ZYG11B: variants seen among roughly 807,000 people sequenced by gnomAD.
The protein encoded by ZYG11B is zyg-11 family member B, cell cycle regulator, also known as protein zyg-11 homolog B.
Under a neutral mutation model 82.4 loss-of-function variants are expected in ZYG11B, and 36 were observed. The ratio of observed to expected loss-of-function variants is 0.44; its 90% CI spans 0.33 to 0.58. The LOEUF is 0.58. Ranked by LOEUF, ZYG11B falls within the 20% of genes least tolerant of loss-of-function variation. The probability of loss-of-function intolerance (pLI) is 0.02; values close to 1 mark genes in which losing one functional copy is unlikely to be tolerated. For synonymous variants in ZYG11B, 303 were observed against 312.8 expected (o/e 0.97, Z 0.33); for missense variants, 552 against 895.6 (o/e 0.62, Z 4.90).
At chr1:52,803,575 A>G (rs1645117070) in intron 10 of ZYG11B, among the ~76,000 whole-genome samples, 1 of 151,946 alleles carries the variant, frequency 6.6e-6, no homozygotes, top group Non-Finnish European at 1.5e-5. Flanking sequence ...GTATTGTACA[A>G]AGTTTCACAC....
At chr1:52,733,727 C>G (rs1644355617) in intron 1 of ZYG11B, among the ~76,000 whole-genome samples, 1 of 152,156 alleles carries the variant, frequency 6.6e-6, no homozygotes, top group Non-Finnish European at 1.5e-5. Context: ...GATAAATGTA[C>G]TCATTCTTGT....
intron 8 of ZYG11B, among the ~76,000 whole-genome samples, chr1:52,797,489 TG>T (rs368293909): frequency 9.7e-6 from 1 of 102,864 alleles, no homozygotes. Flanking sequence ...ATATATAATA[TG>T]TATAATATAT....
At chr1:52,769,307 G>A (rs1351369496) in intron 2 of ZYG11B, among the ~76,000 whole-genome samples, 2 of 151,796 alleles carry the variant, frequency 1.3e-5, no homozygotes, top group African/African-American at 4.8e-5. Context: ...TAAATTTACC[G>A]GTGGCCACAT....
intron 1 of ZYG11B, among the ~76,000 whole-genome samples, chr1:52,733,486 C>T (rs1644351362): frequency 6.6e-6 from 1 of 151,972 alleles, no homozygotes; most frequent in Non-Finnish European, 1.5e-5. Context: ...CCAGCCTGGA[C>T]AAGATAGTGA....
rs1460974594 is a variant in ZYG11B at position 52,826,758 on chromosome 1, CAAAATCCA to C, written c.*5131_*5138del. On this transcript the variant is annotated 3_prime_UTR_variant, in exon 14 of 14. Coordinates refer to ENST00000294353, the MANE Select transcript of ZYG11B (RefSeq NM_024646.3). ...ACAGAATGGCCATTAAGAATATTTC[CAAAATCCA>C]AGTTTATCAAAATTATTTTGTGGGA... 6.6e-6 allele frequency: 1 copy of C among 152,124 alleles called. No individual in the cohort carries two copies. The highest frequency in any genetic ancestry group is 2.4e-5 in the African/African-American group (1 of 41,418). The allele number at this position is 152,124 out of a possible 1,614,324, so 9.4% of individuals were successfully genotyped here.
intron 12 of ZYG11B, 91 bp from the exon 13 acceptor site, chr1:52,816,441 A>G: frequency 1.2e-6 from 1 of 840,540 alleles, no homozygotes; most frequent in Non-Finnish European, 2.0e-6. Context: ...ATAGGATAAA[A>G]TTTTGAAAAT....
intron 3 of ZYG11B, among the ~76,000 whole-genome samples, chr1:52,777,336 A>G (rs1009819390): frequency 6.6e-6 from 1 of 152,242 alleles, no homozygotes; most frequent in Non-Finnish European, 1.5e-5. Flanking sequence ...TCAATACTGT[A>G]GTCTAATTCA....
Position 52,771,414 on chromosome 1 carries a change from A to G in ZYG11B, c.591A>G (p.Ser197=). 6.2e-7 allele frequency: 1 copy of G among 1,614,142 alleles called. No individual in the cohort carries two copies. Among genetic ancestry groups the G allele is most frequent in the Non-Finnish European group, 8.5e-7 (1 of 1,180,048 alleles). ...RLESLDISNT[S]ITDITALLAC... ...AGAGCTTGGATATTTCTAACACCTC[A>G]ATCACAGACATCACTGCTCTACTGG... The change falls in exon 3 of 14, where the codon TCA becomes TCG. Residue 197 remains serine (S), a synonymous_variant. Transcript: ENST00000294353. This position sits in a 1 kb window ranked among gnomAD's most constrained non-coding sequence, Gnocchi z 5.4.
chr1:52,752,223 G>T (rs1644532403), intron 1 of ZYG11B, among the ~76,000 whole-genome samples: 2 of 152,230 alleles, frequency 1.3e-5, no homozygotes, highest in African/African-American at 2.4e-5. Context: ...TTGCCAGAGT[G>T]CTCACAGAAC....
intron 4 of ZYG11B, among the ~76,000 whole-genome samples, chr1:52,783,899 T>TGTGTGTATGTACATACACGTGA (rs1644886191): frequency 8.1e-6 from 1 of 123,792 alleles, no homozygotes; most frequent in Non-Finnish European, 1.5e-5. Context: ...CATACACGTG[T>TGTGTGTATGTACATACACGTGA]GTGTATATAC....
chr1:52,796,676 T>C, intron 7 of ZYG11B, 58 bp from the exon 8 acceptor site: 4 of 1,355,126 alleles, frequency 3.0e-6, no homozygotes, highest in South Asian at 1.2e-5. Context: ...CAGTGAATGA[T>C]ATTAAACTCA....
chr1:52,826,511 A>G lies in ZYG11B; in HGVS notation c.*4882A>G, dbSNP rs1645325702. ...ACTGTTTTACCTTATTTAGTATTTC[A>G]TAGACTTTGCATGATATGGTACACT... On this transcript the variant is annotated 3_prime_UTR_variant, in exon 14 of 14. Coordinates refer to ENST00000294353, the MANE Select transcript of ZYG11B (RefSeq NM_024646.3). The G allele has an allele frequency of 6.6e-6, 1 of 152,208 alleles. No homozygotes were observed. Among genetic ancestry groups the G allele is most frequent in the Non-Finnish European group, 1.5e-5 (1 of 68,038 alleles). 9.4% of individuals were successfully genotyped at this position (152,208 alleles called of 1,614,324 possible).
chr1:52,731,420 A>T (rs1357795041), intron 1 of ZYG11B, among the ~76,000 whole-genome samples: 1 of 152,172 alleles, frequency 6.6e-6, no homozygotes, highest in Non-Finnish European at 1.5e-5. Context: ...CTGTCCAAAA[A>T]ACCTAGGTCA....
At chr1:52,820,750 A>G (rs1645276442) in intron 13 of ZYG11B, among the ~76,000 whole-genome samples, 1 of 149,082 alleles carries the variant, frequency 6.7e-6, no homozygotes, top group Admixed American at 6.7e-5. Context: ...CTAATAAAAT[A>G]TTTCAAAAAT....
chr1:52,794,730 G>C (rs1644993435), intron 6 of ZYG11B, among the ~76,000 whole-genome samples: 1 of 152,138 alleles, frequency 6.6e-6, no homozygotes, highest in South Asian at 2.1e-4. Flanking sequence ...CTGTGGGTAA[G>C]ATAATCAGAT....
intron 12 of ZYG11B, among the ~76,000 whole-genome samples, chr1:52,815,464 TAAA>T (rs771074996): frequency 3.5e-4 from 53 of 151,396 alleles, no homozygotes; most frequent in Non-Finnish European, 6.9e-4. Context: ...CTACAAAAAA[TAAA>T]AAATTAGCCA....
chr1:52,790,572 T>G (rs1263394940), intron 6 of ZYG11B, among the ~76,000 whole-genome samples: 2 of 151,918 alleles, frequency 1.3e-5, no homozygotes, highest in Non-Finnish European at 2.9e-5. Context: ...ATACAAAAAA[T>G]TAGCCAGGTG....
chr1:52,805,244 G>T (rs1414543618), intron 10 of ZYG11B: 2 of 323,964 alleles, frequency 6.2e-6, no homozygotes, highest in Non-Finnish European at 1.2e-5. Context: ...CAAGGAATTA[G>T]ATTATGGGAG....
Position 52,784,999 on chromosome 1 carries a change from T to C in ZYG11B, c.1215T>C (p.Ala405=). ...LAAGMPVRLL[A]DVTHLLLKAM... ...CAGGGATGCCTGTCCGACTCCTGGC[T>C]GATGTGACCCATTTGCTGCTCAAAG... The change falls in exon 5 of 14, where the codon GCT becomes GCC. Residue 405 remains alanine, a synonymous_variant. Coordinates refer to ENST00000294353, the MANE Select transcript of ZYG11B (RefSeq NM_024646.3). 1 of 1,614,130 alleles carries C rather than the reference T, an allele frequency of 6.2e-7. No homozygotes were observed. Among genetic ancestry groups the C allele is most frequent in the Admixed American group, 1.7e-5 (1 of 59,972 alleles).
Sources: allele counts gnomAD v4.1 joint callset (sites outside exome capture counted in the v4.1 genomes callset), GRCh38; gene constraint gnomAD v4.1.1; non-coding constraint Gnocchi (gnomAD v3.1); transcripts MANE v1.5; gene names NCBI Gene and HGNC (gene_info 2026-07-23, HGNC 2026-07-21).